BLTP2: variants seen among roughly 807,000 people sequenced by gnomAD.
The protein encoded by BLTP2 is bridge-like lipid transfer protein family member 2.
the BLTP2 span, chr17:28,617,099 G>T: frequency 8.6e-7 from 1 of 1,162,664 alleles, no homozygotes; most frequent in Non-Finnish European, 1.3e-6. Flanking sequence ...CAATGGTACT[G>T]CTAAGCTGGG....
At chr17:28,632,946 A>C in the BLTP2 span, 1 of 1,521,086 alleles carries the variant, frequency 6.6e-7, no homozygotes, top group Non-Finnish European at 8.8e-7. Flanking sequence ...CCTCACTTCC[A>C]CTGTGCCGAG....
the BLTP2 span, among the ~76,000 whole-genome samples, chr17:28,622,789 T>C: frequency 6.6e-6 from 1 of 152,108 alleles, no homozygotes; most frequent in Non-Finnish European, 1.5e-5. Context: ...ACAAAAACAT[T>C]ATCTTGGCTG....
the BLTP2 span, among the ~76,000 whole-genome samples, chr17:28,640,960 A>C: frequency 1.3e-5 from 2 of 152,262 alleles, no homozygotes; most frequent in Non-Finnish European, 2.9e-5. Context: ...TTTACTACTG[A>C]CTGCCTGTAT....
chr17:28,636,403 C>T, the BLTP2 span, among the ~76,000 whole-genome samples: 1 of 152,126 alleles, frequency 6.6e-6, no homozygotes, highest in African/African-American at 2.4e-5. Flanking sequence ...TTTAATGGGC[C>T]GAGGGCTTCA....
At chr17:28,642,343 A>AG in the BLTP2 span, 1 of 1,614,150 alleles carries the variant, frequency 6.2e-7, no homozygotes, top group East Asian at 2.2e-5. Flanking sequence ...AGCCTGGGAA[A>AG]GGAAAAAAAT....
the BLTP2 span, among the ~76,000 whole-genome samples, chr17:28,625,359 GAA>G: frequency 7.1e-4 from 71 of 99,892 alleles, 1 homozygote; most frequent in African/African-American, 2.8e-3. Flanking sequence ...AAAAAAAAAA[GAA>G]AAAGAAAAAG....
the BLTP2 span, chr17:28,616,786 G>C: frequency 3.7e-6 from 6 of 1,613,674 alleles, no homozygotes; most frequent in Non-Finnish European, 5.1e-6. The surrounding 1 kb of genome is among the most constrained non-coding windows in gnomAD (Gnocchi z 4.8). Context: ...AAGCAATTAA[G>C]CTCAGATACC....
chr17:28,642,115 A>C, the BLTP2 span: 25 of 1,603,202 alleles, frequency 1.6e-5, no homozygotes, highest in African/African-American at 3.1e-4. Context: ...GTATGTAAGA[A>C]AGTTTGGAAG....
the BLTP2 span, chr17:28,635,571 G>T: frequency 1.2e-6 from 2 of 1,614,066 alleles, no homozygotes; most frequent in Non-Finnish European, 1.7e-6. Context: ...TGTGATCTGG[G>T]GGGCTCCAAA....
At chr17:28,619,143 T>C in the BLTP2 span, among the ~76,000 whole-genome samples, 10 of 152,196 alleles carry the variant, frequency 6.6e-5, no homozygotes, top group African/African-American at 2.4e-4. Context: ...TTCTAGGTCA[T>C]AGGAGCACAA....
At chr17:28,616,250 G>T in the BLTP2 span, 2 of 1,598,362 alleles carry the variant, frequency 1.3e-6, no homozygotes, top group Non-Finnish European at 1.7e-6. This position sits in a 1 kb window ranked among gnomAD's most constrained non-coding sequence, Gnocchi z 4.8. Context: ...AAGAAACTCA[G>T]GACCCCAAAC....
the BLTP2 span, chr17:28,617,323 A>AT: frequency 8.7e-6 from 14 of 1,611,718 alleles, no homozygotes; most frequent in Middle Eastern, 8.3e-4. Context: ...ATTCACCTAT[A>AT]AAGACAGATT....
chr17:28,617,211 G>GA, the BLTP2 span: 1 of 1,601,516 alleles, frequency 6.2e-7, no homozygotes, highest in Non-Finnish European at 8.5e-7. Context: ...AATGGACTAG[G>GA]AAAGGGGAAA....
the BLTP2 span, chr17:28,633,000 G>C: frequency 6.4e-7 from 1 of 1,574,326 alleles, no homozygotes; most frequent in Non-Finnish European, 8.6e-7. Flanking sequence ...CCGAGCGAAA[G>C]GCCCGGTAGG....
the BLTP2 span, among the ~76,000 whole-genome samples, chr17:28,627,461 C>T: frequency 6.6e-6 from 1 of 151,364 alleles, no homozygotes; most frequent in South Asian, 2.1e-4. Flanking sequence ...GGCTGGAGTG[C>T]AGTGGTGCGA....
chr17:28,632,245 A>T, the BLTP2 span: 1 of 1,590,146 alleles, frequency 6.3e-7, no homozygotes, highest in South Asian at 1.1e-5. Context: ...TATTGCTGCA[A>T]AGAGAAAGAC....
At chr17:28,619,278 C>T in the BLTP2 span, among the ~76,000 whole-genome samples, 1 of 151,244 alleles carries the variant, frequency 6.6e-6, no homozygotes, top group Non-Finnish European at 1.5e-5. Flanking sequence ...ATGTCAGGTT[C>T]ATTAAAAAAA....
chr17:28,640,353 A>T, the BLTP2 span: 1 of 551,734 alleles, frequency 1.8e-6, no homozygotes, highest in East Asian at 3.5e-5. Context: ...AGATCGCACC[A>T]CTGAACTCCA....
chr17:28,626,451 T>A, the BLTP2 span, among the ~76,000 whole-genome samples: 1 of 152,208 alleles, frequency 6.6e-6, no homozygotes, highest in East Asian at 1.9e-4. Context: ...CTAAGTGATG[T>A]CTTTTTGTGT....
Sources: gnomAD v4.1 joint callset for allele counts (sites outside exome capture counted in the v4.1 genomes callset) on GRCh38, gnomAD v4.1.1 for gene constraint, Gnocchi (gnomAD v3.1) non-coding constraint, MANE v1.5 for transcripts, NCBI Gene and HGNC (gene_info 2026-07-23, HGNC 2026-07-21) for gene names.